The following DAAM1 variants were observed in gnomAD, a reference collection of about 807,000 sequenced individuals.
The protein encoded by DAAM1 is dishevelled associated activator of morphogenesis 1.
Under a neutral mutation model 130.0 loss-of-function variants are expected in DAAM1, and 52 were observed. The observed-to-expected ratio is 0.40, with a 90% confidence interval of 0.32 to 0.50. The LOEUF is 0.50. DAAM1 is among the 20% of genes least tolerant of loss of function. The pLI is 0.61. For synonymous variants in DAAM1, 452 were observed against 444.5 expected, an observed-to-expected ratio of 1.02 and a Z score of -0.21; for missense variants, 1,134 against 1,303.8, an observed-to-expected ratio of 0.87 and a Z score of 2.01.
intron 5 of DAAM1, among the ~76,000 whole-genome samples, chr14:59,321,885 CAT>C (rs534938633): frequency 1.1e-4 from 16 of 152,172 alleles, no homozygotes; most frequent in Admixed American, 7.9e-4. Context: ...AAATTTATCA[CAT>C]AAACAGGTTA....
At chr14:59,239,496 C>T (rs1328140900) in intron 1 of DAAM1, among the ~76,000 whole-genome samples, 2 of 152,180 alleles carry the variant, frequency 1.3e-5, no homozygotes, top group Non-Finnish European at 2.9e-5. Context: ...TCCAGGTTCT[C>T]CATCGGTTTC....
intron 23 of DAAM1, among the ~76,000 whole-genome samples, chr14:59,366,996 C>CA (rs141317491): frequency 0.01 from 1,492 of 145,360 alleles, 27 homozygotes; most frequent in Non-Finnish European, 0.01. Flanking sequence ...AACAAAACAA[C>CA]AAAAAAAAAC....
chr14:59,221,367 G>A (rs1328718921), intron 1 of DAAM1, among the ~76,000 whole-genome samples: 1 of 152,168 alleles, frequency 6.6e-6, no homozygotes, highest in Non-Finnish European at 1.5e-5. Context: ...ACAAAATAGG[G>A]AGGAAATACT....
intron 16 of DAAM1, among the ~76,000 whole-genome samples, chr14:59,341,959 T>A (rs747190835): frequency 6.6e-6 from 1 of 152,196 alleles, no homozygotes; most frequent in Non-Finnish European, 1.5e-5. Flanking sequence ...TCAGTAGTAC[T>A]AAGTACCAAC....
chr14:59,316,869 A>G (rs1884813225), intron 4 of DAAM1, among the ~76,000 whole-genome samples: 2 of 152,336 alleles, frequency 1.3e-5, no homozygotes, highest in African/African-American at 2.4e-5. Context: ...CCTTCTATAA[A>G]TGGGGAACTA....
chr14:59,208,746 G>A (rs1888340244), intron 1 of DAAM1, among the ~76,000 whole-genome samples: 2 of 152,160 alleles, frequency 1.3e-5, no homozygotes, highest in South Asian at 4.1e-4. Flanking sequence ...GTGGGGTCTG[G>A]TGGGAGGTGT....
intron 1 of DAAM1, among the ~76,000 whole-genome samples, chr14:59,196,596 A>C (rs1229442218): frequency 6.6e-6 from 1 of 152,092 alleles, no homozygotes; most frequent in Non-Finnish European, 1.5e-5. Flanking sequence ...ACAAAAAATT[A>C]GCCGGGCGTG....
intron 1 of DAAM1, among the ~76,000 whole-genome samples, chr14:59,201,426 C>T (rs1486044812): frequency 6.6e-6 from 1 of 151,990 alleles, no homozygotes; most frequent in East Asian, 1.9e-4. Context: ...AGCTCGAGAC[C>T]AGCCTGGCCA....
In DAAM1 at chr14:59,288,860, A is replaced by AGC. The variant is rs1555360678; in HGVS notation, c.184-2351_184-2350dup. ...GAGAGAGAGAGAGAGAGAGAGAGAG[A>AGC]GCGCGCGAAGGGGGCAGTACCACAC... On this transcript the variant is annotated intron_variant, in intron 2 of 24. Coordinates refer to ENST00000360909, the MANE Select transcript of DAAM1 (RefSeq NM_001270520.2). Among the ~76,000 whole-genome samples the AGC allele has an allele frequency of 1.4e-3, 208 of 144,110 alleles. 1 individual carries two copies. Among genetic ancestry groups the AGC allele is most frequent in the East Asian group, 5.4e-3 (25 of 4,652 alleles). The allele number at this position is 144,110 out of a possible 152,430, so 94.5% of individuals were successfully genotyped here.
At chr14:59,205,808 A>T (rs1425838957) in intron 1 of DAAM1, among the ~76,000 whole-genome samples, 1 of 152,262 alleles carries the variant, frequency 6.6e-6, no homozygotes, top group African/African-American at 2.4e-5. Flanking sequence ...ATTTTGTAGG[A>T]AAAGATACCC....
chr14:59,271,924 T>A (rs183174197), intron 2 of DAAM1, among the ~76,000 whole-genome samples: 1 of 151,850 alleles, frequency 6.6e-6, no homozygotes, highest in African/African-American at 2.4e-5. Flanking sequence ...CCAAGAAAGA[T>A]GAAAAAATTG....
intron 3 of DAAM1, among the ~76,000 whole-genome samples, chr14:59,304,225 A>G (rs772559073): frequency 6.6e-6 from 1 of 152,240 alleles, no homozygotes; most frequent in Non-Finnish European, 1.5e-5. Context: ...TTTAGAAGCT[A>G]TATCAAAGAG....
intron 1 of DAAM1, among the ~76,000 whole-genome samples, chr14:59,205,835 A>G (rs1288797279): frequency 6.6e-6 from 1 of 152,220 alleles, no homozygotes; most frequent in Non-Finnish European, 1.5e-5. Flanking sequence ...TGAGATAAAT[A>G]AGAATACAGT....
chr14:59,338,492 G>C, intron 15 of DAAM1: 1 of 1,542,116 alleles, frequency 6.5e-7, no homozygotes, highest in East Asian at 2.3e-5. Flanking sequence ...TCGTTATCCA[G>C]GGTTTTGTTT....
chr14:59,250,569 C>T (rs961328110), intron 1 of DAAM1, among the ~76,000 whole-genome samples: 1 of 152,144 alleles, frequency 6.6e-6, no homozygotes, highest in Non-Finnish European at 1.5e-5. Flanking sequence ...ATTGAGAAGG[C>T]TTGCAAACAT....
chr14:59,227,224 A>C (rs1472997533), intron 1 of DAAM1, among the ~76,000 whole-genome samples: 1 of 152,196 alleles, frequency 6.6e-6, no homozygotes, highest in African/African-American at 2.4e-5. Flanking sequence ...GTGTACAGAA[A>C]TAGGCTTACA....
intron 1 of DAAM1, among the ~76,000 whole-genome samples, chr14:59,260,963 T>C (rs531586715): frequency 1.6e-3 from 251 of 152,272 alleles, no homozygotes; most frequent in African/African-American, 5.9e-3. Flanking sequence ...TAGGATATTT[T>C]TGAGGAAGTA....
chr14:59,224,742 A>G (rs148435833), intron 1 of DAAM1, among the ~76,000 whole-genome samples: 14 of 152,348 alleles, frequency 9.2e-5, no homozygotes, highest in Non-Finnish European at 1.6e-4. Context: ...CATGGTCTGA[A>G]TTTGTTTTCC....
At chr14:59,355,865 G>A (rs1886460902) in intron 20 of DAAM1, among the ~76,000 whole-genome samples, 1 of 152,160 alleles carries the variant, frequency 6.6e-6, no homozygotes, top group South Asian at 2.1e-4. Flanking sequence ...GGGTTTTTAG[G>A]TTGTGTTTTT....
Sources: gnomAD v4.1 joint callset for allele counts (sites outside exome capture counted in the v4.1 genomes callset) on GRCh38, gnomAD v4.1.1 for gene constraint, MANE v1.5 for transcripts, NCBI Gene and HGNC (gene_info 2026-07-23, HGNC 2026-07-21) for gene names.